ZNF764: variants seen among roughly 807,000 people sequenced by gnomAD.
ZNF764 encodes zinc finger protein 764.
A neutral mutation model predicts 13.9 loss-of-function variants in ZNF764; 10 were observed. The observed-to-expected ratio is 0.72, with a 90% CI of 0.44 to 1.22. The LOEUF (loss-of-function observed/expected upper bound fraction) is 1.22, where lower values mean the gene tolerates loss of function less well. Among genes scored for constraint, ZNF764 ranks in the 50% most tolerant of loss-of-function variants. The pLI is 0.00. For synonymous variants in ZNF764, 313 were observed against 255.1 expected (o/e 1.23, Z -2.16); for missense variants, 647 against 589.7 (o/e 1.10, Z -1.01).
chr16:30,558,093 G>T lies in ZNF764; in HGVS notation c.90C>A (p.Asp30Glu). ...CCTCCCGGCAGAAGTACACGGCCACGTCCGCGAAGCTCACAGCCCCCGGCT... is the reference window on the plus strand; with the variant it reads ...CCTCCCGGCAGAAGTACACGGCCACTTCCGCGAAGCTCACAGCCCCCGGCT... ...WREPGAVSFADVAVYFCREEW... is the reference protein window; with the variant it reads ...WREPGAVSFAEVAVYFCREEW... Residue 30 changes from aspartate to glutamate, a missense_variant, in exon 1 of 3, where the codon GAC becomes GAA. By Grantham distance (45) the Asp-to-Glu change is conservative. Transcript: ENST00000395091. 6.2e-7 allele frequency: 1 copy of T among 1,611,054 alleles called. No homozygotes were observed. Among genetic ancestry groups the T allele is most frequent in the Non-Finnish European group, 8.5e-7 (1 of 1,179,322 alleles).
intron 1 of ZNF764, 25 bp downstream of exon 1, chr16:30,557,962 T>C (rs1398283615): frequency 1.3e-6 from 2 of 1,584,676 alleles, no homozygotes; most frequent in Non-Finnish European, 1.7e-6. Flanking sequence ...GGCGCAGGGC[T>C]CAGGCGAGCA....
At chr16:30,557,666 G>A (rs932619326) in intron 2 of ZNF764, 67 bp downstream of exon 2, 45 of 1,584,806 alleles carry the variant, frequency 2.8e-5, no homozygotes, top group Non-Finnish European at 3.7e-5. Context: ...AGCTGGAGGT[G>A]GCAGAGGGTA....
At position 30,556,046 on chromosome 16, in the gene ZNF764, G is replaced by A; in HGVS notation, c.372C>T (p.Asp124=). 6.2e-7 allele frequency: 1 copy of A among 1,612,896 alleles called. No individual in the cohort carries two copies. Among genetic ancestry groups the A allele is most frequent in the Non-Finnish European group, 8.5e-7 (1 of 1,180,036 alleles). ...REGTGALEKP[D]PVAAGSPGLK... The stretch of plus-strand genomic sequence containing the variant: ...GCCCAGGAGACCCGGCGGCCACAGG[G>A]TCGGGCTTCTCCAGGGCTCCCGTCC... The change falls in exon 3 of 3, where the codon GAC becomes GAT. Residue 124 remains aspartate (D), a synonymous_variant. Transcript: ENST00000395091.
In ZNF764 at chr16:30,558,202, G is replaced by A. The variant is rs1442349698; in HGVS notation, c.-20C>T. ...CGCCATGGTAACTGTCAACCCCGAC[G>A]ACGGATCGGCTGCCTCCCCTGGCCT... On this transcript the variant is annotated 5_prime_UTR_variant, in exon 1 of 3. Coordinates refer to ENST00000395091, the MANE Select transcript of ZNF764 (RefSeq NM_001172679.2). 12 of 1,554,502 alleles carry A rather than the reference G, an allele frequency of 7.7e-6. No individual in the cohort carries two copies. Among genetic ancestry groups the A allele is most frequent in the African/African-American group, 2.7e-5 (2 of 73,656 alleles).
In ZNF764 at chr16:30,557,761, C is replaced by T. The variant is rs1567510188; in HGVS notation, c.282G>A (p.Val94=). 1.9e-6 allele frequency: 3 copies of T among 1,613,602 alleles called. No homozygotes were observed. Among genetic ancestry groups the T allele is most frequent in the Non-Finnish European group, 2.5e-6 (3 of 1,179,774 alleles). The change falls in exon 2 of 3, where the codon GTG becomes GTA. Residue 94 remains valine (V), a synonymous_variant. Transcript: ENST00000395091. Reference sequence around the variant, plus strand: ...GGTCCGTTTGTGTCTGACATTTCGCCACCTCCGGATCCTGGGCAGCCGGAC... The same window carrying T: ...GGTCCGTTTGTGTCTGACATTTCGCTACCTCCGGATCCTGGGCAGCCGGAC... The part of the protein sequence containing the change: ...LWGPAAQDPE[V]AKCQTQTDPD...
chr16:30,555,791 C>G lies in ZNF764; in HGVS notation c.627G>C (p.Lys209Asn), dbSNP rs1381489308. ...TCAGGGAGGAAGCGTGGCCGAAGCC[C>G]TTGCCGCAGTCAGTGCAGTGGAAGG... ...EKPFHCTDCGKGFGHASSLSK... is the reference protein window; with the variant it reads ...EKPFHCTDCGNGFGHASSLSK... The change falls in exon 3 of 3, where the codon AAG becomes AAC. Residue 209 changes from lysine to asparagine, a missense_variant. Transcript: ENST00000395091. 3 of 1,610,368 alleles carry G rather than the reference C, an allele frequency of 1.9e-6. No individual in the cohort carries two copies. The highest frequency in any genetic ancestry group is 2.7e-5 in the African/African-American group (2 of 74,820).
At chr16:30,557,534 G>C (rs970991012) in intron 2 of ZNF764, among the ~76,000 whole-genome samples, 199 bp downstream of exon 2, 1 of 152,174 alleles carries the variant, frequency 6.6e-6, no homozygotes, top group Non-Finnish European at 1.5e-5. Context: ...TCAGAGGCGG[G>C]TATGGCAGGG....
chr16:30,555,669 C>T lies in ZNF764; in HGVS notation c.749G>A (p.Arg250His). 1 of 1,551,384 alleles carries T rather than the reference C, an allele frequency of 6.4e-7. No homozygotes were observed. The highest frequency in any genetic ancestry group is 8.7e-7 in the Non-Finnish European group (1 of 1,152,286). ...TQRSALTSHL[R>H]VHTGEKPYGC... ...ATAGGGTTTCTCGCCGGTGTGGACG[C>T]GCAGGTGCGAAGTCAGCGCCGAGCG... The change falls in exon 3 of 3, where the codon CGC becomes CAC. Residue 250 changes from arginine (R) to histidine (H), a missense_variant. By Grantham distance (29) the Arg-to-His change is conservative. Coordinates refer to ENST00000395091, the MANE Select transcript of ZNF764 (RefSeq NM_001172679.2).
In ZNF764 at chr16:30,555,099, G is replaced by T; in HGVS notation, c.*95C>A. Reference sequence around the variant, plus strand: ...CACCCCAGGGCCAGCTCTTGCCCTAGATTCTGGGACCTCCCTGCAGGCCGC... The same window carrying T: ...CACCCCAGGGCCAGCTCTTGCCCTATATTCTGGGACCTCCCTGCAGGCCGC... On this transcript the variant is annotated 3_prime_UTR_variant, in exon 3 of 3. Coordinates refer to ENST00000395091, the MANE Select transcript of ZNF764 (RefSeq NM_001172679.2). 1 of 1,440,766 alleles carries T rather than the reference G, an allele frequency of 6.9e-7. No homozygotes were observed. Among genetic ancestry groups the T allele is most frequent in the Non-Finnish European group, 9.3e-7 (1 of 1,071,330 alleles). The allele number at this position is 1,440,766 out of a possible 1,614,324, so 89.2% of individuals were successfully genotyped here. A position where few individuals can be genotyped will look rare whatever the true frequency, so the allele number is the denominator to read the frequency against.
In ZNF764 at chr16:30,558,121, CT is replaced by C; in HGVS notation, c.61del (p.Arg21GlyfsTer6). ...RDPNGAGPEW[R>X]EPGAVSFADV... ...CGCGAAGCTCACAGCCCCCGGCTCC[CT>C]CCACTCGGGTCCGGCCCCGTTTGGG... On this transcript the variant is annotated frameshift_variant, in exon 1 of 3. Transcript: ENST00000395091. LOFTEE classifies it high-confidence loss of function. 6.2e-7 allele frequency: 1 copy of C among 1,608,328 alleles called. No homozygotes were observed. Among genetic ancestry groups the C allele is most frequent in the Non-Finnish European group, 8.5e-7 (1 of 1,178,844 alleles).
At position 30,555,407 on chromosome 16, in the gene ZNF764, G is replaced by A. The variant is rs752432179; in HGVS notation, c.1011C>T (p.Ser337=). 5.1e-6 allele frequency: 8 copies of A among 1,564,806 alleles called. No individual in the cohort carries two copies. The highest frequency in any genetic ancestry group is 1.4e-5 in the African/African-American group (1 of 73,790). ...SEMAAHRRTH[S]GEKPYPCPQC... ...GCGGGCAGGGGTAGGGCTTCTCGCC[G>A]CTGTGGGTGCGCCTGTGGGCTGCCA... The change falls in exon 3 of 3, where the codon AGC becomes AGT. Residue 337 remains serine, a synonymous_variant. Coordinates refer to ENST00000395091, the MANE Select transcript of ZNF764 (RefSeq NM_001172679.2).
Position 30,555,176 on chromosome 16 carries a change from TA to T in ZNF764, c.*17del. 6.3e-7 allele frequency: 1 copy of T among 1,592,500 alleles called. No homozygotes were observed. Among genetic ancestry groups the T allele is most frequent in the Non-Finnish European group, 8.5e-7 (1 of 1,170,102 alleles). ...TCTCGGGCCTCCCGTAATGTCTAGA[TA>T]GTCACTTTTAAGGCCGTCACCCACA... On this transcript the variant is annotated 3_prime_UTR_variant, in exon 3 of 3. Transcript: ENST00000395091.
Position 30,555,921 on chromosome 16 carries a change from G to T in ZNF764, c.497C>A (p.Pro166His), listed in dbSNP as rs774696662. ...RGRPSLCAHP[P>H]VPRADQRHGC... ...ATGACGCTGGTCAGCTCGGGGGACA[G>T]GGGGGTGGGCACAGAGGGAGGGGCG... Residue 166 changes from proline (P) to histidine (H), a missense_variant, in exon 3 of 3, where the codon CCT (proline) becomes CAT (histidine). Pro to His is a moderately conservative substitution (Grantham distance 77). Coordinates refer to ENST00000395091, the MANE Select transcript of ZNF764 (RefSeq NM_001172679.2). The T allele has an allele frequency of 6.2e-7, 1 of 1,610,652 alleles. No individual in the cohort carries two copies.
At position 30,558,205 on chromosome 16, in the gene ZNF764, G is replaced by T. The variant is rs774852072; in HGVS notation, c.-23C>A. On this transcript the variant is annotated 5_prime_UTR_variant, in exon 1 of 3. Coordinates refer to ENST00000395091, the MANE Select transcript of ZNF764 (RefSeq NM_001172679.2). ...CATGGTAACTGTCAACCCCGACGAC[G>T]GATCGGCTGCCTCCCCTGGCCTGGC... 12 of 1,547,634 alleles carry T rather than the reference G, an allele frequency of 7.8e-6. No homozygotes were observed. The highest frequency in any genetic ancestry group is 8.7e-6 in the Non-Finnish European group (10 of 1,154,914).
chr16:30,557,542 G>C (rs2051566933), intron 2 of ZNF764, among the ~76,000 whole-genome samples, 191 bp downstream of exon 2: 1 of 152,166 alleles, frequency 6.6e-6, no homozygotes, highest in African/African-American at 2.4e-5. Context: ...GGGTATGGCA[G>C]GGCCAGAGCC....
At chr16:30,557,028 T>A (rs1318692986) in intron 2 of ZNF764, among the ~76,000 whole-genome samples, 4 of 151,618 alleles carry the variant, frequency 2.6e-5, no homozygotes, top group Non-Finnish European at 5.9e-5. Context: ...TAGTCCCAGC[T>A]ACTGGGGAGG....
rs768162736 is a variant in ZNF764 at position 30,558,189 on chromosome 16, T to C, written c.-7A>G. On this transcript the variant is annotated 5_prime_UTR_variant, in exon 1 of 3. Coordinates refer to ENST00000395091, the MANE Select transcript of ZNF764 (RefSeq NM_001172679.2). ...GGGCCAGAGGCGGCGCCATGGTAAC[T>C]GTCAACCCCGACGACGGATCGGCTG... The C allele has an allele frequency of 1.3e-6, 2 of 1,574,358 alleles. No homozygotes were observed. Among genetic ancestry groups the C allele is most frequent in the South Asian group, 2.3e-5 (2 of 88,314 alleles).
chr16:30,556,260 G>A, intron 2 of ZNF764, 153 bp from the exon 3 acceptor site: 2 of 881,410 alleles, frequency 2.3e-6, no homozygotes, highest in Non-Finnish European at 3.5e-6. Flanking sequence ...GAGCCAGACA[G>A]AGCCGGGAGG....
chr16:30,556,242 C>T (rs2051555707), intron 2 of ZNF764, 135 bp from the exon 3 acceptor site: 10 of 1,026,620 alleles, frequency 9.7e-6, no homozygotes, highest in Admixed American at 4.2e-5. Flanking sequence ...ACCTGTTCCT[C>T]GGCTGCAGAG....
Sources: gnomAD v4.1 joint callset for allele counts (sites outside exome capture counted in the v4.1 genomes callset) on GRCh38, gnomAD v4.1.1 for gene constraint, MANE v1.5 for transcripts, NCBI Gene and HGNC (gene_info 2026-07-23, HGNC 2026-07-21) for gene names.